The following HDAC9 variants were observed in gnomAD, a reference collection of about 807,000 sequenced individuals.
HDAC9 encodes the protein MEF-2 interacting transcription repressor (MITR) protein.
HDAC9 carries 41 observed loss-of-function variants against 139.4 expected under a neutral mutation model. That is an observed-to-expected ratio of 0.29 (90% confidence interval 0.23 to 0.38). The LOEUF (loss-of-function observed/expected upper bound fraction) is 0.38. Ranked by LOEUF, HDAC9 falls within the 10% of genes least tolerant of loss-of-function variation. The probability of loss-of-function intolerance (pLI) is 1.00; values close to 1 mark genes in which losing one functional copy is unlikely to be tolerated. For synonymous variants in HDAC9, 517 were observed against 476.2 expected, an observed-to-expected ratio of 1.09 and a Z score of -1.12; for missense variants, 1,147 against 1,297.0, an observed-to-expected ratio of 0.88 and a Z score of 1.78.
intron 1 of HDAC9, among the ~76,000 whole-genome samples, chr7:18,347,783 G>C (rs1782536547): frequency 1.3e-5 from 2 of 151,918 alleles, no homozygotes; most frequent in African/African-American, 4.8e-5. Context: ...ATTTTTAGTA[G>C]AGATGGGGTT....
At chr7:18,109,153 A>T (rs1783435074) in intron 1 of HDAC9, among the ~76,000 whole-genome samples, 1 of 152,246 alleles carries the variant, frequency 6.6e-6, no homozygotes, top group Non-Finnish European at 1.5e-5. Flanking sequence ...ATGTGGAAAC[A>T]GGGAATTTCT....
chr7:18,633,819 A>G (rs1210363594), intron 7 of HDAC9, among the ~76,000 whole-genome samples: 1 of 152,126 alleles, frequency 6.6e-6, no homozygotes, highest in Admixed American at 6.6e-5. Context: ...ATGGAAATTT[A>G]TATTTTTGAT....
intron 14 of HDAC9, among the ~76,000 whole-genome samples, chr7:18,756,386 T>C (rs1469075815): frequency 6.6e-6 from 1 of 152,220 alleles, no homozygotes; most frequent in African/African-American, 2.4e-5. Flanking sequence ...GATAGGAATA[T>C]GAGCTGTGAA....
At chr7:18,384,718 A>T (rs1271315873) in intron 1 of HDAC9, among the ~76,000 whole-genome samples, 1 of 152,086 alleles carries the variant, frequency 6.6e-6, no homozygotes, top group East Asian at 1.9e-4. Context: ...GCCATTAGCC[A>T]GCATGTTATG....
At chr7:18,531,091 T>C (rs1394369465) in intron 2 of HDAC9, among the ~76,000 whole-genome samples, 1 of 152,074 alleles carries the variant, frequency 6.6e-6, no homozygotes. Flanking sequence ...ACTTAATGCA[T>C]GGTAATAAGA....
chr7:18,171,383 A>G lies in HDAC9; in HGVS notation c.25+9034A>G, dbSNP rs372773811. 1.7e-4 allele frequency among the ~76,000 whole-genome samples: 26 copies of G among 152,332 alleles called. No homozygotes were observed. The East Asian group carries it at 3.3e-3, about 19-fold the overall frequency. On this transcript the variant is annotated intron_variant, in intron 2 of 12. Transcript: ENST00000417496. Reference sequence around the variant, plus strand: ...GGTTTTCTAAATATACAATCATGTCATCTGCAAACAGGGACAATTTGACTT... The same window carrying G: ...GGTTTTCTAAATATACAATCATGTCGTCTGCAAACAGGGACAATTTGACTT...
At chr7:18,212,342 C>T (rs1020754945) in intron 2 of HDAC9, among the ~76,000 whole-genome samples, 1 of 152,096 alleles carries the variant, frequency 6.6e-6, no homozygotes, top group Non-Finnish European at 1.5e-5. Flanking sequence ...AATATTATTA[C>T]ATTTTCTTAC....
intron 1 of HDAC9, among the ~76,000 whole-genome samples, chr7:18,475,309 G>A (rs1414785963): frequency 6.6e-6 from 1 of 152,174 alleles, no homozygotes; most frequent in Non-Finnish European, 1.5e-5. Flanking sequence ...GAATTGTTCT[G>A]TGTATAAAGT....
intron 12 of HDAC9, 177 bp downstream of exon 12, chr7:18,666,653 G>A: frequency 7.2e-7 from 1 of 1,387,064 alleles, no homozygotes; most frequent in Non-Finnish European, 9.5e-7. Flanking sequence ...CTATATAGAG[G>A]TCTTTCTATA....
intron 22 of HDAC9, among the ~76,000 whole-genome samples, chr7:18,880,850 G>C (rs540089738): frequency 1.3e-5 from 2 of 150,226 alleles, no homozygotes; most frequent in South Asian, 2.2e-4. Flanking sequence ...TGCCGGGGGG[G>C]GGGGAACCAA....
chr7:18,994,163 G>A (rs1441746214), intron 25 of HDAC9, among the ~76,000 whole-genome samples: 1 of 152,038 alleles, frequency 6.6e-6, no homozygotes, highest in Non-Finnish European at 1.5e-5. Flanking sequence ...TTTCCCACAC[G>A]TGACTGTCTC....
At chr7:18,266,092 G>A (rs1385214283) in intron 2 of HDAC9, among the ~76,000 whole-genome samples, 1 of 151,934 alleles carries the variant, frequency 6.6e-6, no homozygotes. Context: ...TCACTCACTG[G>A]TCATTTGGAA....
intron 17 of HDAC9, among the ~76,000 whole-genome samples, chr7:18,798,270 A>G (rs534644253): frequency 2.0e-5 from 3 of 152,320 alleles, no homozygotes; most frequent in African/African-American, 7.2e-5. Context: ...CTAAGAGTTC[A>G]AAAATTCTTT....
At chr7:18,442,800 A>G (rs1049469697) in intron 1 of HDAC9, among the ~76,000 whole-genome samples, 1 of 152,188 alleles carries the variant, frequency 6.6e-6, no homozygotes, top group African/African-American at 2.4e-5. Flanking sequence ...GCGCCTGGTT[A>G]ATTAGCAGCT....
chr7:18,686,034 A>G (rs967709602), intron 12 of HDAC9, among the ~76,000 whole-genome samples: 18 of 151,962 alleles, frequency 1.2e-4, no homozygotes, highest in Non-Finnish European at 2.1e-4. Context: ...TGAAGACTTC[A>G]GTGTGGTAAA....
intron 21 of HDAC9, among the ~76,000 whole-genome samples, chr7:18,842,580 T>G (rs12056282): frequency 6.6e-6 from 1 of 152,024 alleles, no homozygotes. Flanking sequence ...TCAAAAAGTT[T>G]TATCAAAGCG....
At chr7:18,505,003 A>G (rs974726548) in intron 2 of HDAC9, among the ~76,000 whole-genome samples, 10 of 152,218 alleles carry the variant, frequency 6.6e-5, no homozygotes, top group Non-Finnish European at 1.5e-4. Context: ...TAAGGCACAA[A>G]TAGGCAAGCA....
At chr7:18,755,807 C>T (rs1196285790) in intron 14 of HDAC9, among the ~76,000 whole-genome samples, 1 of 152,018 alleles carries the variant, frequency 6.6e-6, no homozygotes, top group Non-Finnish European at 1.5e-5. Context: ...GCTCTATGTC[C>T]TAAAATACTT....
intron 2 of HDAC9, among the ~76,000 whole-genome samples, chr7:18,537,635 G>A (rs1811330354): frequency 6.6e-6 from 1 of 152,044 alleles, no homozygotes; most frequent in Non-Finnish European, 1.5e-5. Flanking sequence ...GGAAGTTAAA[G>A]CCAGAAGTAA....
Sources: gnomAD v4.1 joint callset for allele counts (sites outside exome capture counted in the v4.1 genomes callset) on GRCh38, gnomAD v4.1.1 for gene constraint, MANE v1.5 for transcripts, NCBI Gene and HGNC (gene_info 2026-07-23, HGNC 2026-07-21) for gene names.